CFAP45: variants seen among roughly 807,000 people sequenced by gnomAD.
The protein encoded by CFAP45 is cilia- and flagella-associated protein 45.
CFAP45 carries 43 observed loss-of-function variants against 75.6 expected under a neutral mutation model. That is an observed-to-expected ratio of 0.57 (90% CI 0.45 to 0.73). The LOEUF (loss-of-function observed/expected upper bound fraction) is 0.73. CFAP45 is among the 30% of genes least tolerant of loss of function. CFAP45 has a pLI of 0.00. For missense variants in CFAP45, 689 were observed against 701.5 expected, an observed-to-expected ratio of 0.98 and a Z score of 0.20; for synonymous variants, 223 against 244.6, an observed-to-expected ratio of 0.91 and a Z score of 0.82.
chr1:159,892,864 C>T (rs1290230839), intron 2 of CFAP45, among the ~76,000 whole-genome samples: 1 of 152,214 alleles, frequency 6.6e-6, no homozygotes, highest in African/African-American at 2.4e-5. Context: ...ATCAGCCCTG[C>T]AATGTTTCCA....
chr1:159,875,991 C>T (rs551564515), intron 10 of CFAP45, among the ~76,000 whole-genome samples: 1 of 152,352 alleles, frequency 6.6e-6, no homozygotes, highest in East Asian at 1.9e-4. Context: ...TGCAGTCCAT[C>T]CAAACACAAA....
chr1:159,891,544 C>T (rs1649831815), intron 2 of CFAP45, among the ~76,000 whole-genome samples: 1 of 152,106 alleles, frequency 6.6e-6, no homozygotes, highest in Non-Finnish European at 1.5e-5. Flanking sequence ...TCAAAATTCT[C>T]CGACCCTGAA....
intron 3 of CFAP45, 63 bp from the exon 4 acceptor site, chr1:159,888,559 G>T: frequency 6.9e-7 from 1 of 1,457,318 alleles, no homozygotes; most frequent in Non-Finnish European, 9.5e-7. Flanking sequence ...CACACTTCAG[G>T]CTTCTCTGCT....
chr1:159,891,200 C>T (rs1454199468), intron 2 of CFAP45, among the ~76,000 whole-genome samples: 1 of 152,172 alleles, frequency 6.6e-6, no homozygotes, highest in African/African-American at 2.4e-5. Context: ...AATTTCTGTT[C>T]TCTAGGTTTT....
Position 159,872,967 on chromosome 1 carries a change from C to T in CFAP45, c.1554G>A (p.Lys518=). The T allele has an allele frequency of 6.2e-7, 1 of 1,614,240 alleles. No individual in the cohort carries two copies. Among genetic ancestry groups the T allele is most frequent in the Non-Finnish European group, 8.5e-7 (1 of 1,180,038 alleles). ...QKRRERIDEI[K]RKKLEELRAT... ...ACCTCAGCTCTTCAAGCTTTTTCCT[C>T]TTGATCTCATCGATGCGCTCACGGC... Residue 518 remains lysine (K), a synonymous_variant, in exon 11 of 12, where the codon AAG becomes AAA. Transcript: ENST00000368099.
chr1:159,876,113 C>T (rs1649394403), intron 10 of CFAP45: 1 of 201,460 alleles, frequency 5.0e-6, no homozygotes. Context: ...ATATATTTGT[C>T]AAATGAACGG....
chr1:159,895,672 G>C (rs932659790), intron 1 of CFAP45, among the ~76,000 whole-genome samples: 3 of 152,188 alleles, frequency 2.0e-5, no homozygotes, highest in African/African-American at 7.2e-5. Context: ...GGTAAATATA[G>C]CAGCCCCAAG....
Position 159,877,467 on chromosome 1 carries a change from CG to C in CFAP45, c.1045-6del. On this transcript the variant is annotated splice_polypyrimidine_tract_variant and splice_region_variant and intron_variant, in intron 8 of 11. Transcript: ENST00000368099. ...CTCAAACTCTGCTTCTCGAGCCTGC[CG>C]GAAGGAAAGGCCTTGTAGAATAGTT... 1 of 1,608,310 alleles carries C rather than the reference CG, an allele frequency of 6.2e-7. No individual in the cohort carries two copies. The highest frequency in any genetic ancestry group is 8.5e-7 in the Non-Finnish European group (1 of 1,174,648).
chr1:159,892,532 C>T (rs572804382), intron 2 of CFAP45, among the ~76,000 whole-genome samples: 1 of 152,204 alleles, frequency 6.6e-6, no homozygotes, highest in South Asian at 2.1e-4. Flanking sequence ...TTCTCTTTTC[C>T]CCTTCTCTTA....
chr1:159,888,252 T>C, intron 4 of CFAP45, 100 bp downstream of exon 4: 1 of 1,268,094 alleles, frequency 7.9e-7, no homozygotes, highest in African/African-American at 1.5e-5. Context: ...ATTAAGTACA[T>C]AATTTGTGCC....
Position 159,886,635 on chromosome 1 carries a change from G to C in CFAP45, c.643C>G (p.Gln215Glu), listed in dbSNP as rs150301697. 1.2e-4 allele frequency: 193 copies of C among 1,614,046 alleles called. No individual in the cohort carries two copies. Among genetic ancestry groups the C allele is most frequent in the Non-Finnish European group, 1.6e-4 (188 of 1,179,954 alleles). The change falls in exon 6 of 12, where the codon CAG (glutamine) becomes GAG (glutamate). Residue 215 changes from glutamine (Q) to glutamate (E), a missense_variant. Gln to Glu is a conservative substitution (Grantham distance 29). Coordinates refer to ENST00000368099, the MANE Select transcript of CFAP45 (RefSeq NM_012337.3). ...AIRDAQILEKQQIQKELDTEE... is the reference protein window; with the variant it reads ...AIRDAQILEKEQIQKELDTEE... Reference sequence around the variant, plus strand: ...GTGTCCAGTTCTTTTTGGATCTGCTGCTTCTCCAGGATTTGGGCATCCCGG... The same window carrying C: ...GTGTCCAGTTCTTTTTGGATCTGCTCCTTCTCCAGGATTTGGGCATCCCGG...
rs183927333 is a variant in CFAP45 at position 159,897,998 on chromosome 1, C to T, written c.3+2098G>A. On this transcript the variant is annotated intron_variant, in intron 1 of 11. Transcript: ENST00000368099. The stretch of plus-strand genomic sequence containing the variant: ...TCAGTGTGAAGTTTCCCTGATGTAA[C>T]TTCAACACCTGTCAACTAAACAGGT... 4.4e-5 allele frequency: 25 copies of T among 566,494 alleles called. No individual in the cohort carries two copies. In the East Asian group the frequency reaches 3.2e-3, roughly 72 times the overall value. 35.1% of individuals were successfully genotyped at this position (566,494 alleles called of 1,614,324 possible). A position where few individuals can be genotyped will look rare whatever the true frequency, so the allele number is the denominator to read the frequency against.
rs1251777415 is a variant in CFAP45, at chr1:159,886,491, T to C, written c.767+20A>G. The C allele has an allele frequency of 1.2e-6, 2 of 1,610,888 alleles. No individual in the cohort carries two copies. Among genetic ancestry groups the C allele is most frequent in the South Asian group, 1.1e-5 (1 of 91,000 alleles). Reference sequence around the variant, plus strand: ...CATGGAAATAGCTTAGAGAGGGAGATGCCAAAACCACATCTTTACCTAATT... The same window carrying C: ...CATGGAAATAGCTTAGAGAGGGAGACGCCAAAACCACATCTTTACCTAATT... On this transcript the variant is annotated intron_variant, in intron 6 of 11. Coordinates refer to ENST00000368099, the MANE Select transcript of CFAP45 (RefSeq NM_012337.3).
chr1:159,898,839 G>A (rs1456599325), intron 1 of CFAP45, among the ~76,000 whole-genome samples: 3 of 152,128 alleles, frequency 2.0e-5, no homozygotes, highest in African/African-American at 7.2e-5. Context: ...ATAAGTGAAA[G>A]GGGACGCTCC....
At chr1:159,897,048 G>T (rs146010048) in intron 1 of CFAP45, among the ~76,000 whole-genome samples, 338 of 152,178 alleles carry the variant, frequency 2.2e-3, no homozygotes, top group African/African-American at 7.9e-3. Context: ...TGGATCCATC[G>T]AACTCAGGAG....
intron 8 of CFAP45, among the ~76,000 whole-genome samples, 160 bp from the exon 9 acceptor site, chr1:159,877,622 A>T (rs1649434559): frequency 6.6e-6 from 1 of 152,196 alleles, no homozygotes; most frequent in African/African-American, 2.4e-5. Context: ...CATGCCTATA[A>T]TCCTAGCACT....
chr1:159,873,532 G>T, intron 10 of CFAP45: 1 of 247,258 alleles, frequency 4.0e-6, no homozygotes, highest in Non-Finnish European at 8.0e-6. Flanking sequence ...ATGCAGTGGT[G>T]CTATCATAGC....
intron 1 of CFAP45, among the ~76,000 whole-genome samples, chr1:159,895,796 T>C (rs1649939461): frequency 6.6e-6 from 1 of 152,256 alleles, no homozygotes; most frequent in South Asian, 2.1e-4. Flanking sequence ...GTAGGTGGGA[T>C]TGAGGCTAAG....
At chr1:159,879,595 A>G (rs562529181) in intron 8 of CFAP45, among the ~76,000 whole-genome samples, 3 of 152,324 alleles carry the variant, frequency 2.0e-5, no homozygotes, top group Admixed American at 2.0e-4. Flanking sequence ...CCAAACCTGC[A>G]TTCTCACTCT....
Sources: allele counts gnomAD v4.1 joint callset (sites outside exome capture counted in the v4.1 genomes callset), GRCh38; gene constraint gnomAD v4.1.1; transcripts MANE v1.5; gene names NCBI Gene and HGNC (gene_info 2026-07-23, HGNC 2026-07-21).